Variants in CATIP observed in about 807,000 individuals in gnomAD.
CATIP encodes the protein ciliogenesis associated TTC17 interacting protein.
CATIP carries 40 observed loss-of-function variants against 42.5 expected under a neutral mutation model. The ratio of observed to expected loss-of-function variants is 0.94; its 90% confidence interval spans 0.73 to 1.22. The LOEUF is 1.22. Among genes scored for constraint, CATIP ranks in the 50% most tolerant of loss-of-function variants. The probability of loss-of-function intolerance (pLI) is 0.00; values close to 1 mark genes in which losing one functional copy is unlikely to be tolerated. For missense variants in CATIP, 489 were observed against 496.0 expected, an observed-to-expected ratio of 0.99 and a Z score of 0.13; for synonymous variants, 222 against 200.2, an observed-to-expected ratio of 1.11 and a Z score of -0.92.
chr2:218,367,792 T>A lies in CATIP; in HGVS notation c.992T>A (p.Phe331Tyr), dbSNP rs1695517764. ...GAAGCCCACGCGCTCATCTCCGACT[T>A]CCTGCTCTTCCTGCTGCTGCGCCAG... ...HPEAHALISD[F>Y]LLFLLLRQPE... Residue 331 changes from phenylalanine to tyrosine, a missense_variant, in exon 10 of 10, where the codon TTC (phenylalanine) becomes TAC (tyrosine). Transcript: ENST00000289388. 1 of 1,612,638 alleles carries A rather than the reference T, an allele frequency of 6.2e-7. No individual in the cohort carries two copies. Among genetic ancestry groups the A allele is most frequent in the Non-Finnish European group, 8.5e-7 (1 of 1,179,860 alleles).
At chr2:218,357,861 TG>T in intron 3 of CATIP, 127 bp downstream of exon 3, 1 of 1,140,764 alleles carries the variant, frequency 8.8e-7, no homozygotes. Flanking sequence ...AGGCACGGGG[TG>T]GGAGAGGGAT....
Position 218,368,059 on chromosome 2 carries a change from T to C in CATIP, c.*95T>C, listed in dbSNP as rs1442369771. ...CGGGTGCGCTTTCCGGGCTGCGGTT[T>C]TGGGGGAATAAATGGGGCCCTCCCG... On this transcript the variant is annotated 3_prime_UTR_variant, in exon 10 of 10. Coordinates refer to ENST00000289388, the MANE Select transcript of CATIP (RefSeq NM_198559.2). 2 of 1,391,240 alleles carry C rather than the reference T, an allele frequency of 1.4e-6. No individual in the cohort carries two copies. The highest frequency in any genetic ancestry group is 1.5e-5 in the African/African-American group (1 of 66,774). The allele number at this position is 1,391,240 out of a possible 1,614,324, so 86.2% of individuals were successfully genotyped here. A position where few individuals can be genotyped will look rare whatever the true frequency, so the allele number is the denominator to read the frequency against.
At chr2:218,360,437 A>T in intron 4 of CATIP, 136 bp from the exon 5 acceptor site, 1 of 654,590 alleles carries the variant, frequency 1.5e-6, no homozygotes, top group Non-Finnish European at 2.7e-6. Context: ...GGCGTGAGCC[A>T]CTGTGCCCGG....
intron 7 of CATIP, 71 bp downstream of exon 7, chr2:218,364,823 T>G: frequency 6.5e-7 from 1 of 1,535,370 alleles, no homozygotes; most frequent in Non-Finnish European, 8.8e-7. Context: ...CGGCTGCTTC[T>G]GGGGATAGCA....
chr2:218,360,984 C>A (rs955913090), intron 5 of CATIP, among the ~76,000 whole-genome samples: 1 of 151,978 alleles, frequency 6.6e-6, no homozygotes, highest in African/African-American at 2.4e-5. Flanking sequence ...GCATGCACCA[C>A]CACGCCCGGC....
intron 7 of CATIP, 35 bp from the exon 8 acceptor site, chr2:218,366,989 A>G (rs1472141527): frequency 1.2e-5 from 19 of 1,541,356 alleles, no homozygotes; most frequent in Non-Finnish European, 1.7e-5. Context: ...CGGTCTGGGA[A>G]GATTCTCACT....
chr2:218,357,943 A>G (rs1695093893), intron 3 of CATIP, 94 bp from the exon 4 acceptor site: 1 of 1,251,598 alleles, frequency 8.0e-7, no homozygotes, highest in Admixed American at 1.7e-5. Flanking sequence ...GGACCGTATT[A>G]CACCTAGTCC....
rs759325860 is a variant in CATIP, at chr2:218,367,054, C to T, written c.786C>T (p.Ser262=). The T allele has an allele frequency of 1.9e-6, 3 of 1,613,780 alleles. No individual in the cohort carries two copies. Among genetic ancestry groups the T allele is most frequent in the East Asian group, 2.2e-5 (1 of 44,882 alleles). Reference sequence around the variant, plus strand: ...TGGCCAAGAGAATACAGGTGGGCTCCCCAGGGTGCTGCATCATCACCAAGA... The same window carrying T: ...TGGCCAAGAGAATACAGGTGGGCTCTCCAGGGTGCTGCATCATCACCAAGA... ...GHLAKRIQVG[S]PGCCIITKMP... Residue 262 remains serine (S), a synonymous_variant, in exon 8 of 10, where the codon TCC becomes TCT. Coordinates refer to ENST00000289388, the MANE Select transcript of CATIP (RefSeq NM_198559.2).
In CATIP at chr2:218,359,341, C is replaced by CAAAAAAAAA. The variant is rs140677940; in HGVS notation, c.376-1217_376-1209dup. Among the ~76,000 whole-genome samples the CAAAAAAAAA allele has an allele frequency of 2.1e-3, 168 of 79,686 alleles. 2 individuals are homozygous for CAAAAAAAAA. Among genetic ancestry groups the CAAAAAAAAA allele is most frequent in the African/African-American group, 6.1e-3 (119 of 19,404 alleles). The allele number at this position is 79,686 out of a possible 152,430, so 52.3% of individuals were successfully genotyped here. On this transcript the variant is annotated intron_variant, in intron 4 of 9. Transcript: ENST00000289388. Reference sequence around the variant, plus strand: ...TGGGCAACAGAGCGAGACTCTGTCTCAAAAAAAAAAAAAAAAAAAAAAATG... The same window carrying CAAAAAAAAA: ...TGGGCAACAGAGCGAGACTCTGTCTCAAAAAAAAAAAAAAAAAAAAAAAAAAAAAAAATG...
Position 218,367,942 on chromosome 2 carries a change from A to G in CATIP, c.1142A>G (p.Asp381Gly). 1 of 1,598,434 alleles carries G rather than the reference A, an allele frequency of 6.3e-7. No homozygotes were observed. The highest frequency in any genetic ancestry group is 8.5e-7 in the Non-Finnish European group (1 of 1,175,310). ...NPFRSLEPEGDARSGAA is the reference protein window; with the variant it reads ...NPFRSLEPEGGARSGAA ...TTCCGCTCCCTGGAGCCGGAGGGAG[A>G]CGCCCGCTCGGGGGCGGCCTAAGCG... Residue 381 changes from aspartate (D) to glycine (G), a missense_variant, in exon 10 of 10, where the codon GAC becomes GGC. By Grantham distance (94) the Asp-to-Gly change is moderately conservative. Coordinates refer to ENST00000289388, the MANE Select transcript of CATIP (RefSeq NM_198559.2).
Position 218,358,251 on chromosome 2 carries a change from C to T in CATIP, c.375+159C>T, listed in dbSNP as rs142143856. Reference sequence around the variant, plus strand: ...GATGCAATGTAAAGCTCAAAAGCAACGCACTTCAGAAAACTGATTTTAAAA... The same window carrying T: ...GATGCAATGTAAAGCTCAAAAGCAATGCACTTCAGAAAACTGATTTTAAAA... On this transcript the variant is annotated intron_variant, in intron 4 of 9. Coordinates refer to ENST00000289388, the MANE Select transcript of CATIP (RefSeq NM_198559.2). Among the ~76,000 whole-genome samples, 716 of 152,290 alleles carry T rather than the reference C, an allele frequency of 4.7e-3. 1 individual carries two copies. The highest frequency in any genetic ancestry group is 5.7e-3 in the Non-Finnish European group (387 of 68,040).
chr2:218,359,372 G>GATGGTTT (rs1559102560), intron 4 of CATIP, among the ~76,000 whole-genome samples: 1 of 145,344 alleles, frequency 6.9e-6, no homozygotes, highest in Non-Finnish European at 1.5e-5. Flanking sequence ...AAATGTTGGG[G>GATGGTTT]ATGGTTTCTG....
chr2:218,367,095 A>C lies in CATIP; in HGVS notation c.827A>C (p.Glu276Ala). Reference protein sequence around the residue: ...CIITKMPILREEDEIEPRPVF... With the variant: ...CIITKMPILRAEDEIEPRPVF... ...ATCACCAAGATGCCCATCTTGAGGGAAGAGGGTGAGTGAAGCCCAGGCCTT... is the reference window on the plus strand; with the variant it reads ...ATCACCAAGATGCCCATCTTGAGGGCAGAGGGTGAGTGAAGCCCAGGCCTT... Residue 276 changes from glutamate (E) to alanine (A), a missense_variant, in exon 8 of 10, where the codon GAA becomes GCA. Transcript: ENST00000289388. The C allele has an allele frequency of 6.2e-7, 1 of 1,612,254 alleles. No homozygotes were observed. Among genetic ancestry groups the C allele is most frequent in the African/African-American group, 1.3e-5 (1 of 74,988 alleles).
chr2:218,364,863 G>A (rs1695371200), intron 7 of CATIP, 111 bp downstream of exon 7: 2 of 1,220,532 alleles, frequency 1.6e-6, no homozygotes, highest in Non-Finnish European at 1.2e-6. Context: ...AGATAGGAGT[G>A]TCCCTCCGCT....
At chr2:218,360,338 G>C (rs2106311350) in intron 4 of CATIP, among the ~76,000 whole-genome samples, 2 of 151,918 alleles carry the variant, frequency 1.3e-5, no homozygotes, top group East Asian at 3.9e-4. Flanking sequence ...TTTTAGTAGA[G>C]ACGGGGTTTC....
At chr2:218,359,561 C>A (rs1695163063) in intron 4 of CATIP, among the ~76,000 whole-genome samples, 3 of 151,984 alleles carry the variant, frequency 2.0e-5, no homozygotes, top group African/African-American at 7.2e-5. Flanking sequence ...GGCCAGCCCA[C>A]CAGGCCTCCA....
In CATIP at chr2:218,364,683, T is replaced by A; in HGVS notation, c.686T>A (p.Ile229Asn). The change falls in exon 7 of 10, where the codon ATC (isoleucine) becomes AAC (asparagine). Residue 229 changes from isoleucine (I) to asparagine (N), a missense_variant. Coordinates refer to ENST00000289388, the MANE Select transcript of CATIP (RefSeq NM_198559.2). ...QVDHQQAEVF[I>N]VEQTVHAEEG... ...GACCATCAGCAGGCTGAAGTCTTCA[T>A]CGTGGAGCAGACTGTCCACGCGGAG... The A allele has an allele frequency of 6.2e-7, 1 of 1,614,100 alleles. No individual in the cohort carries two copies. The highest frequency in any genetic ancestry group is 8.5e-7 in the Non-Finnish European group (1 of 1,179,976).
chr2:218,366,414 C>T (rs925337090), intron 7 of CATIP: 7 of 157,646 alleles, frequency 4.4e-5, no homozygotes, highest in Admixed American at 3.0e-4. Flanking sequence ...CGTGAGCCAC[C>T]GTGCCTGGCC....
chr2:218,358,538 G>A (rs1234189468), intron 4 of CATIP, among the ~76,000 whole-genome samples: 5 of 151,800 alleles, frequency 3.3e-5, no homozygotes, highest in African/African-American at 4.8e-5. Flanking sequence ...TCCAGCCTGG[G>A]TGACAGAGCA....
Sources: allele counts gnomAD v4.1 joint callset (sites outside exome capture counted in the v4.1 genomes callset), GRCh38; gene constraint gnomAD v4.1.1; transcripts MANE v1.5; gene names NCBI Gene and HGNC (gene_info 2026-07-23, HGNC 2026-07-21).